RAB6A: variants seen among roughly 807,000 people sequenced by gnomAD.
RAB6A encodes the protein ras-related protein Rab-6A.
In RAB6A, 8 loss-of-function variants were observed where a neutral mutation model predicts 32.3. The ratio of observed to expected loss-of-function variants is 0.25; its 90% CI spans 0.15 to 0.45. The LOEUF (loss-of-function observed/expected upper bound fraction) is 0.45, where lower values mean the gene tolerates loss of function less well. RAB6A is among the 20% of genes least tolerant of loss of function. The pLI, the probability that RAB6A is intolerant of heterozygous loss-of-function variation, is 1.00. For synonymous variants in RAB6A, 73 were observed against 82.1 expected (o/e 0.89, Z 0.60); for missense variants, 104 against 249.4 (o/e 0.42, Z 3.93).
Position 73,760,714 on chromosome 11 carries a change from G to A in RAB6A, c.-79C>T. 1.3e-6 allele frequency: 2 copies of A among 1,545,018 alleles called. No individual in the cohort carries two copies. The highest frequency in any genetic ancestry group is 1.8e-6 in the Non-Finnish European group (2 of 1,141,822). On this transcript the variant is annotated 5_prime_UTR_variant, in exon 1 of 8. Coordinates refer to ENST00000336083, the MANE Select transcript of RAB6A (RefSeq NM_198896.2). The stretch of plus-strand genomic sequence containing the variant: ...GCTGCTCCAGCCAGCTGACGAAAAA[G>A]GCGAGCGGAAGGGCGGGCACCGAGC...
At chr11:73,705,767 T>TGAGAGAGA (rs3046616) in intron 6 of RAB6A, among the ~76,000 whole-genome samples, 7,925 of 134,692 alleles carry the variant, frequency 0.059, 308 homozygotes, top group East Asian at 0.14. Context: ...ATAATTCCGA[T>TGAGAGAGA]GAGAGAGAGA....
At chr11:73,684,165 G>GTTTTTTTTTTTTTTTTTTTTTTTTT (rs532757584) in intron 6 of RAB6A, among the ~76,000 whole-genome samples, 1 of 79,112 alleles carries the variant, frequency 1.3e-5, no homozygotes. Context: ...TACATACATT[G>GTTTTTTTTTTTTTTTTTTTTTTTTT]TTGTTTTTTT....
In RAB6A at chr11:73,679,735, GAA is replaced by G; in HGVS notation, c.496-17_496-16del. 6.2e-7 allele frequency: 1 copy of G among 1,613,400 alleles called. No individual in the cohort carries two copies. The highest frequency in any genetic ancestry group is 8.5e-7 in the Non-Finnish European group (1 of 1,179,508). On this transcript the variant is annotated splice_polypyrimidine_tract_variant and intron_variant, in intron 6 of 7. Coordinates refer to ENST00000336083, the MANE Select transcript of RAB6A (RefSeq NM_198896.2). ...CGTCGAAAGAGCTGTGGGAAAGAGA[GAA>G]AAGTGATAACTGAGAGGGAACATTT...
chr11:73,760,455 C>T, intron 1 of RAB6A, 111 bp downstream of exon 1: 1 of 1,394,872 alleles, frequency 7.2e-7, no homozygotes, highest in African/African-American at 1.5e-5. Flanking sequence ...GCGGTGGCAA[C>T]GAGCGCGGAC....
intron 6 of RAB6A, among the ~76,000 whole-genome samples, chr11:73,692,360 G>A (rs1430329914): frequency 1.3e-5 from 2 of 151,504 alleles, no homozygotes; most frequent in Middle Eastern, 3.4e-3. Flanking sequence ...AAAATTAGCC[G>A]GGTGTGGTGG....
intron 1 of RAB6A, among the ~76,000 whole-genome samples, chr11:73,756,305 G>A (rs1946749655): frequency 6.6e-6 from 1 of 152,148 alleles, no homozygotes; most frequent in Admixed American, 6.6e-5. Context: ...AGTGAGCTGA[G>A]ATCACACCAC....
intron 6 of RAB6A, among the ~76,000 whole-genome samples, chr11:73,682,464 C>T (rs1434629438): frequency 6.6e-6 from 1 of 152,132 alleles, no homozygotes; most frequent in Admixed American, 6.5e-5. Flanking sequence ...GAGATCGAGA[C>T]CATCTTGGCT....
Position 73,760,857 on chromosome 11 carries a change from CG to C in RAB6A, c.-223del. On this transcript the variant is annotated 5_prime_UTR_variant, in exon 1 of 8. Transcript: ENST00000336083. ...GTAGCCTAGCACCGAGCGAGGCCCGCGGCTGGGAAGGGAAGGAGGGCGGTGT... is the reference window on the plus strand; with the variant it reads ...GTAGCCTAGCACCGAGCGAGGCCCGCGCTGGGAAGGGAAGGAGGGCGGTGT... The C allele has an allele frequency of 1.9e-6, 1 of 531,248 alleles. No homozygotes were observed. Among genetic ancestry groups the C allele is most frequent in the South Asian group, 3.8e-5 (1 of 26,660 alleles). The allele number at this position is 531,248 out of a possible 1,614,324, so 32.9% of individuals were successfully genotyped here. A position where few individuals can be genotyped will look rare whatever the true frequency, so the allele number is the denominator to read the frequency against.
chr11:73,760,094 A>T, intron 1 of RAB6A: 1 of 1,290,672 alleles, frequency 7.7e-7, no homozygotes, highest in Non-Finnish European at 1.0e-6. Context: ...TGGGGAAAAC[A>T]ACGCCCAGAT....
chr11:73,727,108 A>G (rs1021382025), intron 2 of RAB6A, among the ~76,000 whole-genome samples: 1 of 152,188 alleles, frequency 6.6e-6, no homozygotes, highest in African/African-American at 2.4e-5. Flanking sequence ...GTTGTTCTCA[A>G]TGGTAAATGG....
At chr11:73,689,469 A>G (rs1945510760) in intron 6 of RAB6A, among the ~76,000 whole-genome samples, 1 of 152,186 alleles carries the variant, frequency 6.6e-6, no homozygotes, top group Non-Finnish European at 1.5e-5. Context: ...GGTTCCTAAC[A>G]GGCCACGGAC....
intron 1 of RAB6A, among the ~76,000 whole-genome samples, chr11:73,740,163 G>T (rs1261760179): frequency 6.6e-6 from 1 of 151,822 alleles, no homozygotes; most frequent in Non-Finnish European, 1.5e-5. Context: ...ACATTGGCCA[G>T]ATAGTATTGA....
intron 1 of RAB6A, among the ~76,000 whole-genome samples, chr11:73,757,098 CATAT>C (rs1170100550): frequency 0.12 from 4,430 of 37,570 alleles, 524 homozygotes; most frequent in East Asian, 0.22. Flanking sequence ...AATATACATA[CATAT>C]ATATATATAT....
intron 1 of RAB6A, among the ~76,000 whole-genome samples, chr11:73,739,348 T>A (rs951392562): frequency 1.2e-4 from 14 of 120,566 alleles, no homozygotes; most frequent in South Asian, 2.8e-4. Context: ...AACTAAAAAA[T>A]TTTTTAAGAG....
At position 73,729,177 on chromosome 11, in the gene RAB6A, C is replaced by T. The variant is rs555475154; in HGVS notation, c.129+1588G>A. ...GCAGTGGTATGATCTCAGCTCATTG[C>T]AACCTCCGCCTCCTGGGTTCAAGCG... On this transcript the variant is annotated intron_variant, in intron 2 of 7. Coordinates refer to ENST00000336083, the MANE Select transcript of RAB6A (RefSeq NM_198896.2). 1.1e-4 allele frequency among the ~76,000 whole-genome samples: 16 copies of T among 152,296 alleles called. No individual in the cohort carries two copies. In the East Asian group the frequency reaches 2.7e-3, roughly 26 times the overall value.
intron 1 of RAB6A, among the ~76,000 whole-genome samples, chr11:73,744,337 C>CA (rs35787214): frequency 0.68 from 73,210 of 107,870 alleles, 25,771 homozygotes; most frequent in East Asian, 0.85. Flanking sequence ...GACTCCATCT[C>CA]AAAAAAAAAA....
rs184227998 is a variant in RAB6A, at chr11:73,680,609, G to A, written c.496-889C>T. Among the ~76,000 whole-genome samples, 1,309 of 151,742 alleles carry A rather than the reference G, an allele frequency of 8.6e-3. 9 individuals are homozygous for A. Among genetic ancestry groups the A allele is most frequent in the Non-Finnish European group, 0.014 (934 of 67,950 alleles). On this transcript the variant is annotated intron_variant, in intron 6 of 7. Transcript: ENST00000336083. ...GGAGGTTGCAGTGAGCCAAGATCAC[G>A]CCACTGCATTCCAGCCTGGGCGACA...
chr11:73,740,273 T>C (rs1946474577), intron 1 of RAB6A, among the ~76,000 whole-genome samples: 1 of 152,278 alleles, frequency 6.6e-6, no homozygotes, highest in African/African-American at 2.4e-5. Flanking sequence ...TCATATGCTA[T>C]GATTGTAGTA....
At position 73,675,681 on chromosome 11, in the gene RAB6A, T is replaced by C. The variant is rs1945260704; in HGVS notation, c.*2217A>G. The C allele has an allele frequency of 6.5e-6, 1 of 155,008 alleles. No homozygotes were observed. Among genetic ancestry groups the C allele is most frequent in the Non-Finnish European group, 1.5e-5 (1 of 68,024 alleles). 9.6% of individuals were successfully genotyped at this position (155,008 alleles called of 1,614,324 possible). On this transcript the variant is annotated 3_prime_UTR_variant, in exon 8 of 8. Transcript: ENST00000336083. ...TATTTATATATTTTTGGCAGCAAAA[T>C]TGTGTTTATTAAAAAAAAAACCTGG... is the stretch of plus-strand genomic sequence containing the variant.
Sources: allele counts gnomAD v4.1 joint callset (sites outside exome capture counted in the v4.1 genomes callset), GRCh38; gene constraint gnomAD v4.1.1; transcripts MANE v1.5; gene names NCBI Gene and HGNC (gene_info 2026-07-23, HGNC 2026-07-21).